DOCK5: variants seen among roughly 807,000 people sequenced by gnomAD.
DOCK5 encodes dedicator of cytokinesis protein 5.
In DOCK5, 142 loss-of-function variants were observed where a neutral mutation model predicts 251.8. That is an observed-to-expected ratio of 0.56 (90% CI 0.49 to 0.65). The LOEUF (loss-of-function observed/expected upper bound fraction) is 0.65, where lower values mean the gene tolerates loss of function less well. Among genes scored for constraint, DOCK5 ranks in the 30% least tolerant of loss-of-function variants. The pLI is 0.00. For synonymous variants in DOCK5, 842 were observed against 835.5 expected (o/e 1.01, Z -0.13); for missense variants, 2,111 against 2,312.3 (o/e 0.91, Z 1.79).
intron 1 of DOCK5, among the ~76,000 whole-genome samples, chr8:25,239,530 T>G (rs1420624195): frequency 2.0e-5 from 3 of 152,082 alleles, no homozygotes; most frequent in Non-Finnish European, 4.4e-5. Flanking sequence ...ACTTCCTGTT[T>G]TCATTTGAGA....
At position 25,411,185 on chromosome 8, in the gene DOCK5, CT is replaced by C. The variant is rs2117353901; in HGVS notation, c.5509-7del. 1 of 1,552,146 alleles carries C rather than the reference CT, an allele frequency of 6.4e-7. No individual in the cohort carries two copies. Among genetic ancestry groups the C allele is most frequent in the Admixed American group, 2.0e-5 (1 of 50,156 alleles). On this transcript the variant is annotated splice_region_variant and splice_polypyrimidine_tract_variant and intron_variant, in intron 51 of 51. Transcript: ENST00000276440. ...ACCTGCTTCTAATTTTGTGTTTCTG[CT>C]TCTGCAGCTCGCTCCCCCACTGCCT...
At position 25,413,128 on chromosome 8, in the gene DOCK5, C is replaced by G. The variant is rs959450109; in HGVS notation, c.*1830C>G. ...ATCTGAGTTTTCATTTTCTCACCTT[C>G]CAGAATGGGGATAATGCCTCCTGCA... is the stretch of plus-strand genomic sequence containing the variant. On this transcript the variant is annotated 3_prime_UTR_variant, in exon 52 of 52. Transcript: ENST00000276440. 4 of 152,154 alleles carry G rather than the reference C, an allele frequency of 2.6e-5. No individual in the cohort carries two copies. Among genetic ancestry groups the G allele is most frequent in the Admixed American group, 2.6e-4 (4 of 15,268 alleles). 9.4% of individuals were successfully genotyped at this position (152,154 alleles called of 1,614,324 possible).
At chr8:25,317,181 A>G in intron 14 of DOCK5, 50 bp downstream of exon 14, 1 of 1,598,240 alleles carries the variant, frequency 6.3e-7, no homozygotes, top group African/African-American at 1.3e-5. Flanking sequence ...CGTCTTTACA[A>G]TCACGATAGA....
In DOCK5 at chr8:25,412,419, A is replaced by G. The variant is rs1038130474; in HGVS notation, c.*1121A>G. On this transcript the variant is annotated 3_prime_UTR_variant, in exon 52 of 52. Coordinates refer to ENST00000276440, the MANE Select transcript of DOCK5 (RefSeq NM_024940.8). Reference sequence around the variant, plus strand: ...TTTGGACTTGAAGCCTCAAAGATCAACCAACCAGTCCCCTTATTTAGTAAA... The same window carrying G: ...TTTGGACTTGAAGCCTCAAAGATCAGCCAACCAGTCCCCTTATTTAGTAAA... The G allele has an allele frequency of 1.3e-5, 2 of 152,190 alleles. No homozygotes were observed. The highest frequency in any genetic ancestry group is 2.9e-5 in the Non-Finnish European group (2 of 68,040). 9.4% of individuals were successfully genotyped at this position (152,190 alleles called of 1,614,324 possible).
At chr8:25,268,086 C>T (rs1341086634) in intron 2 of DOCK5, among the ~76,000 whole-genome samples, 1 of 152,050 alleles carries the variant, frequency 6.6e-6, no homozygotes, top group African/African-American at 2.4e-5. Flanking sequence ...TGGTCTTAAA[C>T]TTCTGACGTC....
At chr8:25,275,240 G>A (rs1804015699) in intron 3 of DOCK5, 146 bp from the exon 4 acceptor site, 3 of 578,936 alleles carry the variant, frequency 5.2e-6, no homozygotes, top group East Asian at 6.6e-5. Flanking sequence ...GCCAGTCAAC[G>A]TAAGTGGTGT....
At chr8:25,377,229 A>C in intron 37 of DOCK5, 76 bp from the exon 38 acceptor site, 1 of 1,488,640 alleles carries the variant, frequency 6.7e-7, no homozygotes, top group Non-Finnish European at 8.9e-7. Context: ...AGTCAAATAT[A>C]TATACAATAT....
chr8:25,406,409 A>C (rs926901074), intron 48 of DOCK5, among the ~76,000 whole-genome samples: 2 of 152,216 alleles, frequency 1.3e-5, no homozygotes, highest in Admixed American at 6.5e-5. Context: ...TTTTTTCACA[A>C]ATGTTTAATT....
intron 18 of DOCK5, among the ~76,000 whole-genome samples, 187 bp from the exon 19 acceptor site, chr8:25,332,064 G>T (rs533381683): frequency 6.6e-6 from 1 of 152,224 alleles, no homozygotes; most frequent in South Asian, 2.1e-4. Context: ...TCTCTTTGAA[G>T]AATGAAAGAG....
intron 1 of DOCK5, among the ~76,000 whole-genome samples, chr8:25,194,384 T>C (rs1482709942): frequency 6.6e-6 from 1 of 152,206 alleles, no homozygotes. Context: ...ACTTTACTTC[T>C]AGAAACATTT....
rs138885575 is a variant in DOCK5, at chr8:25,376,420, T to C, written c.3817-885T>C. On this transcript the variant is annotated intron_variant, in intron 37 of 51. Coordinates refer to ENST00000276440, the MANE Select transcript of DOCK5 (RefSeq NM_024940.8). The stretch of plus-strand genomic sequence containing the variant: ...TGGGGGGAGGGAATCTCTTTCTAGA[T>C]TGTATATGCTTTTACGTGGGTCTCT... 6 of 963,454 alleles carry C rather than the reference T, an allele frequency of 6.2e-6. No individual in the cohort carries two copies. In the East Asian group the frequency reaches 6.9e-4, roughly 111 times the overall value. 59.7% of individuals were successfully genotyped at this position (963,454 alleles called of 1,614,324 possible).
In DOCK5 at chr8:25,300,508, C is replaced by A; in HGVS notation, c.765-68C>A. The stretch of plus-strand genomic sequence containing the variant: ...TTCCTCCTTCCCTTGTAAGTCTATA[C>A]TGAGGGTAGCCTCATCTCCAACCCC... On this transcript the variant is annotated intron_variant, in intron 8 of 51. Coordinates refer to ENST00000276440, the MANE Select transcript of DOCK5 (RefSeq NM_024940.8). 4.3e-6 allele frequency: 6 copies of A among 1,388,778 alleles called. No homozygotes were observed. In the South Asian group the frequency reaches 6.2e-5, roughly 14 times the overall value. The allele number at this position is 1,388,778 out of a possible 1,614,324, so 86.0% of individuals were successfully genotyped here.
intron 39 of DOCK5, among the ~76,000 whole-genome samples, chr8:25,381,185 G>A (rs1801061095): frequency 6.6e-6 from 1 of 152,190 alleles, no homozygotes; most frequent in African/African-American, 2.4e-5. Context: ...ATAATTTCTA[G>A]TAGAGGAGTT....
rs138959900 is a variant in DOCK5 at position 25,241,033 on chromosome 8, T to A, written c.44-2641T>A. On this transcript the variant is annotated intron_variant, in intron 1 of 51. Coordinates refer to ENST00000276440, the MANE Select transcript of DOCK5 (RefSeq NM_024940.8). ...TGTCTCTCAGCTCTCTCTCTTTCTC[T>A]CTTATAAAGATATATGCGATTGCAT... 4.1e-3 allele frequency among the ~76,000 whole-genome samples: 623 copies of A among 152,302 alleles called. 2 individuals are homozygous for A. The highest frequency in any genetic ancestry group is 0.014 in the African/African-American group (597 of 41,552).
chr8:25,311,423 G>T (rs1478570091), intron 13 of DOCK5, among the ~76,000 whole-genome samples: 1 of 151,336 alleles, frequency 6.6e-6, no homozygotes, highest in Non-Finnish European at 1.5e-5. Context: ...CGTGCCTGTA[G>T]TCCCAGCTAC....
At chr8:25,356,444 T>C (rs896975286) in intron 27 of DOCK5, among the ~76,000 whole-genome samples, 2 of 152,136 alleles carry the variant, frequency 1.3e-5, no homozygotes, top group Admixed American at 6.5e-5. Flanking sequence ...ACCTAGCAGA[T>C]TGCTTGATCC....
chr8:25,344,447 C>T (rs1215236294), intron 25 of DOCK5, among the ~76,000 whole-genome samples: 3 of 152,166 alleles, frequency 2.0e-5, no homozygotes, highest in East Asian at 3.9e-4. Context: ...GACTCCTCAA[C>T]GTTAAACAAG....
chr8:25,402,300 T>G (rs563443131), intron 47 of DOCK5, among the ~76,000 whole-genome samples: 17 of 150,690 alleles, frequency 1.1e-4, no homozygotes, highest in South Asian at 2.1e-4. Context: ...GCTAATTTTT[T>G]TTTGTTTGTT....
rs1586282703 is a variant in DOCK5, at chr8:25,270,942, T to C, written c.168+2057T>C. The C allele has an allele frequency of 1.6e-5, 9 of 579,216 alleles. No individual in the cohort carries two copies. The East Asian group carries it at 2.5e-4, about 16-fold the overall frequency. 35.9% of individuals were successfully genotyped at this position (579,216 alleles called of 1,614,324 possible). A position where few individuals can be genotyped will look rare whatever the true frequency, so the allele number is the denominator to read the frequency against. On this transcript the variant is annotated intron_variant, in intron 3 of 51. Coordinates refer to ENST00000276440, the MANE Select transcript of DOCK5 (RefSeq NM_024940.8). ...TTTATAATACCTAATACAATGTAAA[T>C]GCTATGTAAGTAGTTATTATACCGT...
Sources: allele counts gnomAD v4.1 joint callset (sites outside exome capture counted in the v4.1 genomes callset), GRCh38; gene constraint gnomAD v4.1.1; transcripts MANE v1.5; gene names NCBI Gene and HGNC (gene_info 2026-07-23, HGNC 2026-07-21).